GNG7: variants seen among roughly 807,000 people sequenced by gnomAD.
GNG7 encodes the protein guanine nucleotide-binding protein G(I)/G(S)/G(O) subunit gamma-7.
Under a neutral mutation model 4.0 loss-of-function variants are expected in GNG7, and 1 was observed. The ratio of observed to expected loss-of-function variants is 0.25; its 90% CI spans 0.09 to 1.18. The LOEUF (loss-of-function observed/expected upper bound fraction) is 1.18, where lower values mean the gene tolerates loss of function less well. Among genes scored for constraint, GNG7 ranks in the 50% most tolerant of loss-of-function variants. The pLI, the probability that GNG7 is intolerant of heterozygous loss-of-function variation, is 0.50. For missense variants in GNG7, 86 were observed against 91.9 expected (o/e 0.94, Z 0.26); for synonymous variants, 34 against 36.9 (o/e 0.92, Z 0.29).
intron 2 of GNG7, among the ~76,000 whole-genome samples, chr19:2,596,745 T>C (rs1368143485): frequency 2.6e-5 from 4 of 151,206 alleles, no homozygotes; most frequent in Non-Finnish European, 4.4e-5. Context: ...TCAGTTCCCA[T>C]CCACCCCACA....
intron 2 of GNG7, among the ~76,000 whole-genome samples, chr19:2,587,520 G>A (rs889583039): frequency 1.2e-4 from 18 of 152,168 alleles, no homozygotes; most frequent in South Asian, 2.1e-4. Flanking sequence ...GGCTCTGGCC[G>A]GTGAGGACAA....
rs570183835 is a variant in GNG7 at position 2,572,310 on chromosome 19, T to C, written c.-77-17122A>G. On this transcript the variant is annotated intron_variant, in intron 2 of 4. Transcript: ENST00000382159. ...CTGGGACTATAGGTGCATGCCACCA[T>C]GCTTGCTTAATTTTTTTGTTTTTTG... Among the ~76,000 whole-genome samples, 305 of 152,208 alleles carry C rather than the reference T, an allele frequency of 2.0e-3. 1 individual carries two copies. Among genetic ancestry groups the C allele is most frequent in the African/African-American group, 7.1e-3 (296 of 41,538 alleles).
At position 2,657,721 on chromosome 19, in the gene GNG7, C is replaced by T. The variant is rs143575892; in HGVS notation, c.-134-11441G>A. 4.5e-3 allele frequency among the ~76,000 whole-genome samples: 680 copies of T among 152,036 alleles called. 5 individuals are homozygous for T. Among genetic ancestry groups the T allele is most frequent in the African/African-American group, 0.015 (628 of 41,450 alleles). ...TTTGTTTCTGTTTTGGAAAAATTTT[C>T]GATTTACAGAAAAGTTGCAAATCTA... On this transcript the variant is annotated intron_variant, in intron 1 of 4. Transcript: ENST00000382159.
intron 1 of GNG7, among the ~76,000 whole-genome samples, chr19:2,667,175 T>C (rs936269431): frequency 5.9e-5 from 9 of 151,714 alleles, no homozygotes; most frequent in East Asian, 1.9e-4. Flanking sequence ...AATACAAAAA[T>C]CAGCCGGGCA....
At chr19:2,583,483 C>T (rs1488627484) in intron 2 of GNG7, among the ~76,000 whole-genome samples, 1 of 152,178 alleles carries the variant, frequency 6.6e-6, no homozygotes, top group Non-Finnish European at 1.5e-5. Flanking sequence ...TCCAGCTTTG[C>T]CCGCCCCAGC....
At chr19:2,608,296 C>G (rs1427776666) in intron 2 of GNG7, among the ~76,000 whole-genome samples, 1 of 150,774 alleles carries the variant, frequency 6.6e-6, no homozygotes, top group Non-Finnish European at 1.5e-5. Context: ...AGGTTCCGCC[C>G]ACGTGGGATT....
rs893324054 is a variant in GNG7 at position 2,513,359 on chromosome 19, G to A, written c.*1663C>T. 16 of 408,278 alleles carry A rather than the reference G, an allele frequency of 3.9e-5. No homozygotes were observed. The South Asian group carries it at 6.1e-4, about 16-fold the overall frequency. The allele number at this position is 408,278 out of a possible 1,614,324, so 25.3% of individuals were successfully genotyped here. A position where few individuals can be genotyped will look rare whatever the true frequency, so the allele number is the denominator to read the frequency against. ...TACTACTTGCTTCTAGGCCAGCCCC[G>A]TGGAGGGGGTCGGGGCGGCCAGGCC... On this transcript the variant is annotated 3_prime_UTR_variant, in exon 5 of 5. Coordinates refer to ENST00000382159, the MANE Select transcript of GNG7 (RefSeq NM_052847.3).
chr19:2,548,481 GAAAAAAAAAAAA>G lies in GNG7; in HGVS notation c.-38+6656_-38+6667del, dbSNP rs34242476. On this transcript the variant is annotated intron_variant, in intron 3 of 4. Transcript: ENST00000382159. ...GGGCGACAGAGCGAGGCTCTGTCTG[GAAAAAAAAAAAA>G]AAAAAAAAAACCTAGCCAGGCCCAG... Among the ~76,000 whole-genome samples the G allele has an allele frequency of 4.3e-3, 334 of 77,316 alleles. 1 individual carries two copies. Among genetic ancestry groups the G allele is most frequent in the African/African-American group, 0.014 (296 of 21,020 alleles). The allele number at this position is 77,316 out of a possible 152,430, so 50.7% of individuals were successfully genotyped here.
intron 1 of GNG7, among the ~76,000 whole-genome samples, chr19:2,652,235 T>C (rs1982849505): frequency 6.6e-6 from 1 of 151,600 alleles, no homozygotes; most frequent in African/African-American, 2.4e-5. Context: ...ACCTGGAGAA[T>C]ACGATGCCAA....
At position 2,513,333 on chromosome 19, in the gene GNG7, C is replaced by G; in HGVS notation, c.*1689G>C. On this transcript the variant is annotated 3_prime_UTR_variant, in exon 5 of 5. Transcript: ENST00000382159. ...GGGACAGGACTAGGCTAGTTTTATT[C>G]TACTACTTGCTTCTAGGCCAGCCCC... 1 of 330,080 alleles carries G rather than the reference C, an allele frequency of 3.0e-6. No individual in the cohort carries two copies. Among genetic ancestry groups the G allele is most frequent in the Non-Finnish European group, 4.3e-6 (1 of 230,906 alleles). The allele number at this position is 330,080 out of a possible 1,614,324, so 20.4% of individuals were successfully genotyped here.
At chr19:2,685,111 C>T (rs1320418414) in intron 1 of GNG7, among the ~76,000 whole-genome samples, 1 of 144,716 alleles carries the variant, frequency 6.9e-6, no homozygotes, top group African/African-American at 2.6e-5. Context: ...GTGACAAGAG[C>T]GAGACTCTGT....
intron 1 of GNG7, among the ~76,000 whole-genome samples, chr19:2,667,029 C>G (rs1983327065): frequency 6.6e-6 from 1 of 152,172 alleles, no homozygotes; most frequent in African/African-American, 2.4e-5. Context: ...TCACACAAAA[C>G]ACACACTCAT....
At chr19:2,650,183 C>CTT (rs529803793) in intron 1 of GNG7, among the ~76,000 whole-genome samples, 17,517 of 125,564 alleles carry the variant, frequency 0.14, 1,510 homozygotes, top group Middle Eastern at 0.21. Flanking sequence ...TCATAGGAAT[C>CTT]TTTTTTTTTT....
Position 2,695,476 on chromosome 19 carries a change from C to T in GNG7, c.-135+7170G>A, listed in dbSNP as rs187510609. Among the ~76,000 whole-genome samples, 368 of 152,262 alleles carry T rather than the reference C, an allele frequency of 2.4e-3. 1 individual carries two copies. Among genetic ancestry groups the T allele is most frequent in the African/African-American group, 7.7e-3 (320 of 41,546 alleles). ...CCAGGGCCTGGCACCAGTTCTGAGG[C>T]TTAAAATAGGCACACAACGGGCCTT... On this transcript the variant is annotated intron_variant, in intron 1 of 4. Coordinates refer to ENST00000382159, the MANE Select transcript of GNG7 (RefSeq NM_052847.3).
chr19:2,694,562 T>C (rs987096542), intron 1 of GNG7, among the ~76,000 whole-genome samples: 1 of 151,966 alleles, frequency 6.6e-6, no homozygotes, highest in Non-Finnish European at 1.5e-5. Context: ...CAAGTCTGCT[T>C]CCTGATCACA....
At chr19:2,526,443 CTA>C (rs1568231945) in intron 3 of GNG7, among the ~76,000 whole-genome samples, 1 of 110,580 alleles carries the variant, frequency 9.0e-6, no homozygotes. Flanking sequence ...CTATATTATA[CTA>C]TAGTATTATA....
intron 2 of GNG7, among the ~76,000 whole-genome samples, chr19:2,631,486 T>C (rs976619691): frequency 6.6e-6 from 1 of 152,244 alleles, no homozygotes; most frequent in African/African-American, 2.4e-5. Context: ...CAGTCACTGA[T>C]GACAGGTAAA....
At chr19:2,662,280 A>AAAAAAAG (rs34389468) in intron 1 of GNG7, among the ~76,000 whole-genome samples, 1 of 143,084 alleles carries the variant, frequency 7.0e-6, no homozygotes, top group Non-Finnish European at 1.5e-5. Flanking sequence ...AAAAAAAAAA[A>AAAAAAAG]TCAACCCAAG....
intron 2 of GNG7, among the ~76,000 whole-genome samples, chr19:2,559,813 A>ACTTTTGTATTTTTTGTAGAGAC (rs1555693854): frequency 6.6e-6 from 1 of 150,630 alleles, no homozygotes; most frequent in African/African-American, 2.4e-5. Flanking sequence ...TGCCTGGCTC[A>ACTTTTGTATTTTTTGTAGAGAC]AAGGTGTCTT....
Sources: allele counts gnomAD v4.1 joint callset (sites outside exome capture counted in the v4.1 genomes callset), GRCh38; gene constraint gnomAD v4.1.1; transcripts MANE v1.5; gene names NCBI Gene and HGNC (gene_info 2026-07-23, HGNC 2026-07-21).